The following GOLGB1 variants were observed in gnomAD, a reference collection of about 807,000 sequenced individuals.
GOLGB1 encodes golgin B1.
Under a neutral mutation model 336.9 loss-of-function variants are expected in GOLGB1, and 174 were observed. The ratio of observed to expected loss-of-function variants is 0.52; its 90% CI spans 0.46 to 0.59. GOLGB1 has a LOEUF of 0.59. Ranked by LOEUF, GOLGB1 falls within the 20% of genes least tolerant of loss-of-function variation. The pLI is 0.00. For synonymous variants in GOLGB1, 1,208 were observed against 1,289.2 expected (o/e 0.94, Z 1.35); for missense variants, 3,331 against 3,645.3 (o/e 0.91, Z 2.22).
intron 9 of GOLGB1, among the ~76,000 whole-genome samples, chr3:121,715,914 C>T (rs1944729954): frequency 1.3e-5 from 2 of 151,764 alleles, no homozygotes; most frequent in South Asian, 4.2e-4. Context: ...ATCACTTGAA[C>T]CCAGGAGGCA....
chr3:121,703,791 A>G (rs1290460043), intron 10 of GOLGB1, among the ~76,000 whole-genome samples: 3 of 152,062 alleles, frequency 2.0e-5, no homozygotes, highest in African/African-American at 7.2e-5. Flanking sequence ...ATTCTCAAGG[A>G]AAAAAAATAT....
At chr3:121,731,362 CTTTTTCTTTTTTT>C (rs1560318002) in intron 1 of GOLGB1, among the ~76,000 whole-genome samples, 2 of 150,646 alleles carry the variant, frequency 1.3e-5, no homozygotes, top group Non-Finnish European at 3.0e-5. Context: ...TTTCTTTTTT[CTTTTTCTTTTTTT>C]TTTTTTGAGA....
intron 18 of GOLGB1, 119 bp downstream of exon 18, chr3:121,669,093 C>T: frequency 2.1e-6 from 2 of 950,238 alleles, no homozygotes; most frequent in Non-Finnish European, 3.2e-6. Flanking sequence ...TTTCTTCTCT[C>T]CCACTTTCTT....
At chr3:121,700,380 C>T (rs944388933) in intron 11 of GOLGB1, among the ~76,000 whole-genome samples, 1 of 151,986 alleles carries the variant, frequency 6.6e-6, no homozygotes, top group Non-Finnish European at 1.5e-5. Flanking sequence ...CGAAAGGTTA[C>T]GCAGCTAGTT....
chr3:121,681,164 A>T (rs1273661009), intron 15 of GOLGB1, among the ~76,000 whole-genome samples: 1 of 152,252 alleles, frequency 6.6e-6, no homozygotes, highest in Non-Finnish European at 1.5e-5. Context: ...CTATTGATAC[A>T]TACAACAAAA....
At chr3:121,720,427 G>T (rs1297958234) in intron 6 of GOLGB1, among the ~76,000 whole-genome samples, 2 of 152,216 alleles carry the variant, frequency 1.3e-5, no homozygotes, top group African/African-American at 4.8e-5. Flanking sequence ...ATGGTGAGCT[G>T]CTCAGTATCA....
Position 121,697,106 on chromosome 3 carries a change from A to G in GOLGB1, c.3417T>C (p.Asp1139=). The change falls in exon 13 of 22, where the codon GAT becomes GAC. Residue 1139 remains aspartate, a synonymous_variant. Coordinates refer to ENST00000614479, the MANE Select transcript of GOLGB1 (RefSeq NM_001366282.2). ...CCTTTACAAGTGCTACGGAGTCCCCATCACTTGCATCCGTGTTACTTGTGA... is the reference window on the plus strand; with the variant it reads ...CCTTTACAAGTGCTACGGAGTCCCCGTCACTTGCATCCGTGTTACTTGTGA... ...KLITSNTDAS[D]GDSVALVKET... 6.2e-7 allele frequency: 1 copy of G among 1,614,100 alleles called. No homozygotes were observed. The highest frequency in any genetic ancestry group is 8.5e-7 in the Non-Finnish European group (1 of 1,179,972).
At chr3:121,727,348 T>TC (rs1553883341) in intron 4 of GOLGB1, among the ~76,000 whole-genome samples, 6 of 110,202 alleles carry the variant, frequency 5.4e-5, no homozygotes, top group South Asian at 3.1e-4. Context: ...TTTTTTTTTT[T>TC]CCCTCACACC....
In GOLGB1 at chr3:121,696,873, T is replaced by G. The variant is rs3732410; in HGVS notation, c.3650A>C (p.Tyr1217Ser). The change falls in exon 13 of 22, where the codon TAT (tyrosine) becomes TCT (serine). Residue 1217 changes from tyrosine (Y) to serine (S), a missense_variant. By Grantham distance (144) the Tyr-to-Ser change is moderately radical. Coordinates refer to ENST00000614479, the MANE Select transcript of GOLGB1 (RefSeq NM_001366282.2). The stretch of plus-strand genomic sequence containing the variant: ...ATCAAACTGTTCTTGCAAGCGATTA[T>G]AGTCATCTTTCTGTTGCTTTAGCTC... ...REELKQQKDD[Y>S]NRLQEQFDEQ... is the part of the protein sequence containing the mutation. The G allele has an allele frequency of 1.4e-5, 22 of 1,613,960 alleles. No homozygotes were observed. The highest frequency in any genetic ancestry group is 1.9e-5 in the Non-Finnish European group (22 of 1,179,988).
At chr3:121,676,170 C>T (rs1243313792) in intron 17 of GOLGB1, among the ~76,000 whole-genome samples, 4 of 152,256 alleles carry the variant, frequency 2.6e-5, no homozygotes, top group Non-Finnish European at 5.9e-5. Flanking sequence ...GTACCCTCTA[C>T]ATATGCAGGC....
At chr3:121,685,603 T>C (rs576767015) in intron 14 of GOLGB1, among the ~76,000 whole-genome samples, 8 of 152,124 alleles carry the variant, frequency 5.3e-5, no homozygotes, top group African/African-American at 1.9e-4. Context: ...CAGGGTTTAC[T>C]GTGAAAGCAG....
chr3:121,704,577 A>G (rs910741703), intron 10 of GOLGB1, among the ~76,000 whole-genome samples: 6 of 152,138 alleles, frequency 3.9e-5, no homozygotes, highest in Non-Finnish European at 7.4e-5. Context: ...TGGGAGTTCA[A>G]GACCAGCTTG....
chr3:121,734,422 A>T (rs924405663), intron 1 of GOLGB1, among the ~76,000 whole-genome samples: 1 of 151,294 alleles, frequency 6.6e-6, no homozygotes, highest in Non-Finnish European at 1.5e-5. Flanking sequence ...CAAGTCATAG[A>T]TTAGGAGAAA....
chr3:121,720,917 C>T (rs1945147921), intron 6 of GOLGB1, among the ~76,000 whole-genome samples: 1 of 152,140 alleles, frequency 6.6e-6, no homozygotes, highest in Non-Finnish European at 1.5e-5. Context: ...CTTTCGCCTT[C>T]CAAAATATTT....
At chr3:121,716,538 T>C (rs1944787634) in intron 9 of GOLGB1, among the ~76,000 whole-genome samples, 199 bp downstream of exon 9, 1 of 152,228 alleles carries the variant, frequency 6.6e-6, no homozygotes, top group Non-Finnish European at 1.5e-5. Flanking sequence ...ATTGTAATGA[T>C]AATTATAATA....
At position 121,730,730 on chromosome 3, in the gene GOLGB1, T is replaced by C. The variant is rs575702216; in HGVS notation, c.96+146A>G. 99 of 688,248 alleles carry C rather than the reference T, an allele frequency of 1.4e-4. 4 individuals are homozygous for C. In the South Asian group the frequency reaches 2.2e-3, roughly 15 times the overall value. 42.6% of individuals were successfully genotyped at this position (688,248 alleles called of 1,614,324 possible). On this transcript the variant is annotated intron_variant, in intron 2 of 21. Coordinates refer to ENST00000614479, the MANE Select transcript of GOLGB1 (RefSeq NM_001366282.2). ...AAGCTAAAAACTTACAAGAGAAGGA[T>C]CACTTATAAAATTTCAATATTTTTC...
At chr3:121,747,407 A>G (rs188439422) in intron 1 of GOLGB1, among the ~76,000 whole-genome samples, 16 of 145,842 alleles carry the variant, frequency 1.1e-4, no homozygotes, top group African/African-American at 4.0e-4. Context: ...ATATATACGT[A>G]TATATATGTA....
rs1942811195 is a variant in GOLGB1 at position 121,695,063 on chromosome 3, A to T, written c.5460T>A (p.Val1820=). ...CAGGGTTGGCACTCTTCGCTGATGG[A>T]ACCGATTCTGAACATGTAGGTCTTG... is the stretch of plus-strand genomic sequence containing the variant. The part of the protein sequence containing the change: ...MSTRPTCSES[V]PSAKSANPAV... The change falls in exon 13 of 22, where the codon GTT becomes GTA. Residue 1820 remains valine (V), a synonymous_variant. Transcript: ENST00000614479. 2.5e-6 allele frequency: 4 copies of T among 1,614,066 alleles called. No homozygotes were observed. The highest frequency in any genetic ancestry group is 3.4e-6 in the Non-Finnish European group (4 of 1,180,006).
intron 13 of GOLGB1, among the ~76,000 whole-genome samples, chr3:121,692,914 G>C (rs1256499321): frequency 6.6e-6 from 1 of 152,056 alleles, no homozygotes; most frequent in Non-Finnish European, 1.5e-5. Flanking sequence ...CTAACGTTTG[G>C]CTTCTCTAAG....
Sources: gnomAD v4.1 joint callset for allele counts (sites outside exome capture counted in the v4.1 genomes callset) on GRCh38, gnomAD v4.1.1 for gene constraint, MANE v1.5 for transcripts, NCBI Gene and HGNC (gene_info 2026-07-23, HGNC 2026-07-21) for gene names.